LCA5: variants seen among roughly 807,000 people sequenced by gnomAD.
LCA5 encodes the protein lebercilin LCA5, also known as lebercilin.
Under a neutral mutation model 53.0 loss-of-function variants are expected in LCA5, and 37 were observed. The ratio of observed to expected loss-of-function variants is 0.70; its 90% CI spans 0.54 to 0.92. The LOEUF (loss-of-function observed/expected upper bound fraction) is 0.92. Ranked by LOEUF, LCA5 falls within the 40% of genes least tolerant of loss-of-function variation. The pLI is 0.00. For missense variants in LCA5, 806 were observed against 790.5 expected, an observed-to-expected ratio of 1.02 and a Z score of -0.23; for synonymous variants, 303 against 282.9, an observed-to-expected ratio of 1.07 and a Z score of -0.71.
rs1769663857 is a variant in LCA5 at position 79,486,633 on chromosome 6, G to T, written c.*371C>A. ...CCTTAATTTTCATTCAACAATTAGTGGGAAGACTGTATTTAGCACAGTGAG... is the reference window on the plus strand; with the variant it reads ...CCTTAATTTTCATTCAACAATTAGTTGGAAGACTGTATTTAGCACAGTGAG... On this transcript the variant is annotated 3_prime_UTR_variant, in exon 8 of 8. Transcript: ENST00000369846. 5.6e-6 allele frequency: 1 copy of T among 180,070 alleles called. No homozygotes were observed. Among genetic ancestry groups the T allele is most frequent in the Non-Finnish European group, 1.2e-5 (1 of 86,470 alleles). 11.2% of individuals were successfully genotyped at this position (180,070 alleles called of 1,614,324 possible).
intron 3 of LCA5, among the ~76,000 whole-genome samples, chr6:79,505,801 T>C (rs1770258441): frequency 6.6e-6 from 1 of 151,942 alleles, no homozygotes; most frequent in South Asian, 2.1e-4. Flanking sequence ...TAGAGCAAAA[T>C]ATAGCAGGAA....
upstream of LCA5, among the ~76,000 whole-genome samples, chr6:79,538,018 GT>G (rs869197362): frequency 7.5e-4 from 33 of 44,156 alleles, no homozygotes; most frequent in Non-Finnish European, 8.9e-4. Context: ...TTGCACACAA[GT>G]TTTTTTTTTT....
intron 7 of LCA5, chr6:79,488,716 A>G: frequency 2.7e-6 from 1 of 365,152 alleles, no homozygotes; most frequent in Non-Finnish European, 4.9e-6. Context: ...TATTCTTGCC[A>G]CTTTAACTTT....
Position 79,487,247 on chromosome 6 carries a change from A to C in LCA5, c.1851T>G (p.Ile617Met). The change falls in exon 8 of 8, where the codon ATT becomes ATG. Residue 617 changes from isoleucine to methionine, a missense_variant. By Grantham distance (10) the Ile-to-Met change is conservative (BLOSUM62 1). Transcript: ENST00000369846. ...QLFGASGSST[I>M]SSKSSDPNSV... ...AATTTGGGTCACTGCTTTTGGAGGA[A>C]ATGGTGCTGCTACCACTGGCACCAA... The C allele has an allele frequency of 1.2e-6, 2 of 1,614,086 alleles. No homozygotes were observed. The highest frequency in any genetic ancestry group is 1.7e-6 in the Non-Finnish European group (2 of 1,179,958).
intron 3 of LCA5, among the ~76,000 whole-genome samples, chr6:79,508,699 A>G (rs2127677036): frequency 6.6e-6 from 1 of 151,992 alleles, no homozygotes; most frequent in South Asian, 2.1e-4. Context: ...ATGATAACGA[A>G]GATCTTTACT....
chr6:79,493,569 G>A (rs147764878), intron 4 of LCA5, 44 bp downstream of exon 4: 133 of 1,533,648 alleles, frequency 8.7e-5, no homozygotes, highest in Admixed American at 2.3e-4. Context: ...TTTAATTTTC[G>A]TCTAATACAC....
At chr6:79,509,451 C>A (rs1482635395) in intron 3 of LCA5, among the ~76,000 whole-genome samples, 1 of 113,376 alleles carries the variant, frequency 8.8e-6, no homozygotes. Context: ...GAGACTCCGT[C>A]TCAAAAAAAA....
chr6:79,516,272 T>C (rs1325541847), intron 2 of LCA5, among the ~76,000 whole-genome samples: 1 of 151,968 alleles, frequency 6.6e-6, no homozygotes, highest in Non-Finnish European at 1.5e-5. Flanking sequence ...TTTCCCAACA[T>C]ATGTAGTTAA....
chr6:79,513,320 C>G lies in LCA5; in HGVS notation c.612G>C (p.Gln204His). 1.2e-6 allele frequency: 2 copies of G among 1,613,784 alleles called. No individual in the cohort carries two copies. Among genetic ancestry groups the G allele is most frequent in the Non-Finnish European group, 1.7e-6 (2 of 1,179,836 alleles). The change falls in exon 3 of 8, where the codon CAG (glutamine) becomes CAC (histidine). Residue 204 changes from glutamine to histidine, a missense_variant. Physicochemically the swap from Gln to His is conservative, Grantham distance 24. Coordinates refer to ENST00000369846, the MANE Select transcript of LCA5 (RefSeq NM_001122769.3). ...SELFRTKFSL[Q>H]KLKEISEARH... ...TAGCTTCAGAGATCTCTTTCAGTTTCTGTAAGGAAAATTTTGTCCTAAATA... is the reference window on the plus strand; with the variant it reads ...TAGCTTCAGAGATCTCTTTCAGTTTGTGTAAGGAAAATTTTGTCCTAAATA...
At chr6:79,533,453 C>T (rs1767013898) in intron 1 of LCA5, among the ~76,000 whole-genome samples, 1 of 151,880 alleles carries the variant, frequency 6.6e-6, no homozygotes, top group African/African-American at 2.4e-5. Context: ...AATTATAAGC[C>T]TTGTGCACAA....
intron 3 of LCA5, among the ~76,000 whole-genome samples, chr6:79,499,395 GGA>G (rs1299881406): frequency 6.6e-6 from 1 of 152,040 alleles, no homozygotes; most frequent in African/African-American, 2.4e-5. Context: ...TTCTGAGCAA[GGA>G]GAGTAGAAAA....
At chr6:79,493,831 T>C (rs930985210) in intron 3 of LCA5, 81 bp from the exon 4 acceptor site, 2 of 1,086,538 alleles carry the variant, frequency 1.8e-6, no homozygotes, top group African/African-American at 3.2e-5. Context: ...GTCAAAATGA[T>C]GTTTTTAGTG....
In LCA5 at chr6:79,518,772, A is replaced by G. The variant is rs1256558722; in HGVS notation, c.123T>C (p.Ser41=). The change falls in exon 2 of 8, where the codon TCT becomes TCC. Residue 41 remains serine, a synonymous_variant. Transcript: ENST00000369846. ...QSSGRSSLVS[S]SPASVRRKNP... is the part of the protein sequence containing the mutation. ...TTTTTCTCCTAACACTTGCAGGTGA[A>G]GAACTGACCAGCGATGATCGGCCAG... The G allele has an allele frequency of 1.1e-5, 18 of 1,614,064 alleles. No individual in the cohort carries two copies. The highest frequency in any genetic ancestry group is 1.5e-5 in the Non-Finnish European group (18 of 1,180,028).
chr6:79,487,007 T>G lies in LCA5; in HGVS notation c.2091A>C (p.Arg697Ser), dbSNP rs1769676773. ...VEDEIEEVAL[R>S] Reference sequence around the variant, plus strand: ...AAAAAATGTATACTCTAGTCAGTCATCTCAGTGCTACTTCTTCAATTTCAT... The same window carrying G: ...AAAAAATGTATACTCTAGTCAGTCAGCTCAGTGCTACTTCTTCAATTTCAT... Residue 697 changes from arginine (R) to serine (S), a missense_variant, in exon 8 of 8, where the codon AGA becomes AGC. By Grantham distance (110) the Arg-to-Ser change is moderately radical. Transcript: ENST00000369846. 2 of 1,612,046 alleles carry G rather than the reference T, an allele frequency of 1.2e-6. No homozygotes were observed. The highest frequency in any genetic ancestry group is 2.2e-5 in the South Asian group (2 of 91,004).
At position 79,518,753 on chromosome 6, in the gene LCA5, TC is replaced by T; in HGVS notation, c.141del (p.Arg48GlufsTer63). Reference sequence around the variant, plus strand: ...GAAGTTTGTCTTTTAGGATTTTTTCTCCTAACACTTGCAGGTGAAGAACTGA... The same window carrying T: ...GAAGTTTGTCTTTTAGGATTTTTTCTCTAACACTTGCAGGTGAAGAACTGA... ...SLVSSSPASV[R>X]RKNPKRQTSD... On this transcript the variant is annotated frameshift_variant, in exon 2 of 8. Transcript: ENST00000369846. LOFTEE classifies it high-confidence loss of function. The T allele has an allele frequency of 6.2e-7, 1 of 1,614,170 alleles. No homozygotes were observed.
chr6:79,510,525 G>C (rs553956249), intron 3 of LCA5, among the ~76,000 whole-genome samples: 1 of 152,242 alleles, frequency 6.6e-6, no homozygotes, highest in East Asian at 1.9e-4. Context: ...AAAGACAATA[G>C]GGATAGGTGA....
intron 5 of LCA5, among the ~76,000 whole-genome samples, chr6:79,491,942 T>C (rs549861683): frequency 1.3e-5 from 2 of 152,046 alleles, no homozygotes; most frequent in East Asian, 3.8e-4. Context: ...TGGTTAATAC[T>C]CACTATTACT....
intron 1 of LCA5, among the ~76,000 whole-genome samples, chr6:79,528,072 C>T (rs1017001050): frequency 1.3e-5 from 2 of 152,068 alleles, no homozygotes. Flanking sequence ...AAGTGTGCTG[C>T]GAAACAACCT....
chr6:79,499,264 T>C (rs1770066112), intron 3 of LCA5, among the ~76,000 whole-genome samples: 1 of 152,054 alleles, frequency 6.6e-6, no homozygotes, highest in African/African-American at 2.4e-5. Context: ...CTTTTAATTT[T>C]TCTCTAATTA....
Sources: allele counts gnomAD v4.1 joint callset (sites outside exome capture counted in the v4.1 genomes callset), GRCh38; gene constraint gnomAD v4.1.1; transcripts MANE v1.5; gene names NCBI Gene and HGNC (gene_info 2026-07-23, HGNC 2026-07-21).